The following TSHZ1 variants were observed in gnomAD, a reference collection of about 807,000 sequenced individuals.
The protein encoded by TSHZ1 is teashirt homolog 1.
A neutral mutation model predicts 67.1 loss-of-function variants in TSHZ1; 12 were observed. The observed-to-expected ratio is 0.18, with a 90% CI of 0.11 to 0.29. TSHZ1 has a LOEUF of 0.29. Among genes scored for constraint, TSHZ1 ranks in the 10% least tolerant of loss-of-function variants. TSHZ1 has a pLI of 1.00. For missense variants in TSHZ1, 1,305 were observed against 1,413.9 expected (o/e 0.92, Z 1.23); for synonymous variants, 632 against 622.4 (o/e 1.02, Z -0.23).
chr18:75,258,905 T>TA (rs1382493702), intron 1 of TSHZ1, among the ~76,000 whole-genome samples: 2 of 152,118 alleles, frequency 1.3e-5, no homozygotes, highest in African/African-American at 2.4e-5. Flanking sequence ...AACTTGCTAT[T>TA]AAAAAAATTA....
At chr18:75,233,479 A>C (rs556094307) in intron 1 of TSHZ1, among the ~76,000 whole-genome samples, 1 of 152,368 alleles carries the variant, frequency 6.6e-6, no homozygotes, top group East Asian at 1.9e-4. Flanking sequence ...AAATATAAGA[A>C]GATGGATGCC....
chr18:75,285,309 G>T (rs1185157680), intron 1 of TSHZ1, 139 bp from the exon 2 acceptor site: 4 of 1,030,160 alleles, frequency 3.9e-6, no homozygotes, highest in Non-Finnish European at 5.3e-6. Flanking sequence ...CAAAGGGGTA[G>T]ATATGTAAAC....
intron 1 of TSHZ1, among the ~76,000 whole-genome samples, chr18:75,255,310 G>A (rs986786380): frequency 6.6e-6 from 1 of 152,052 alleles, no homozygotes; most frequent in African/African-American, 2.4e-5. Flanking sequence ...CCATGGAGGT[G>A]GTATGCTGCT....
intron 1 of TSHZ1, among the ~76,000 whole-genome samples, chr18:75,239,056 C>T (rs1220036077): frequency 6.6e-6 from 1 of 152,204 alleles, no homozygotes; most frequent in Non-Finnish European, 1.5e-5. Flanking sequence ...GATGCGGCCA[C>T]GCAAGATGGG....
intron 1 of TSHZ1, among the ~76,000 whole-genome samples, chr18:75,215,544 C>T (rs2022755413): frequency 1.3e-5 from 2 of 152,192 alleles, no homozygotes; most frequent in African/African-American, 4.8e-5. Flanking sequence ...TTCAACACCC[C>T]AGTTGTAGCT....
chr18:75,228,021 C>T (rs909093486), intron 1 of TSHZ1, among the ~76,000 whole-genome samples: 1 of 152,134 alleles, frequency 6.6e-6, no homozygotes, highest in Non-Finnish European at 1.5e-5. Flanking sequence ...GTTATGGTGT[C>T]ATTTATCATG....
At chr18:75,240,466 A>C (rs1009005237) in intron 1 of TSHZ1, among the ~76,000 whole-genome samples, 2 of 152,114 alleles carry the variant, frequency 1.3e-5, no homozygotes, top group Non-Finnish European at 2.9e-5. Flanking sequence ...TGAGTACCCA[A>C]AGAGGGTTGG....
intron 1 of TSHZ1, among the ~76,000 whole-genome samples, chr18:75,276,685 C>T (rs780271256): frequency 1.4e-4 from 22 of 152,152 alleles, no homozygotes; most frequent in African/African-American, 4.6e-4. Flanking sequence ...ATATAATGGC[C>T]ATCTGTTCAT....
At position 75,287,881 on chromosome 18, in the gene TSHZ1, C is replaced by T. The variant is rs2023802347; in HGVS notation, c.2474C>T (p.Ala825Val). The change falls in exon 2 of 2, where the codon GCT (alanine) becomes GTT (valine). Residue 825 changes from alanine to valine, a missense_variant. Ala to Val is a moderately conservative substitution (Grantham distance 64, BLOSUM62 0). Coordinates refer to ENST00000580243, the MANE Select transcript of TSHZ1 (RefSeq NM_001308210.2). The surrounding 1 kb of genome is among the most constrained non-coding windows in gnomAD (Gnocchi z 5.0). ...SKNKPLVSSV[A>V]DSVASPLRES... ...AACAAGCCGCTGGTGTCCAGCGTGG[C>T]TGATTCGGTGGCATCACCTCTGCGG... 1 of 1,614,206 alleles carries T rather than the reference C, an allele frequency of 6.2e-7. No homozygotes were observed.
intron 1 of TSHZ1, among the ~76,000 whole-genome samples, chr18:75,271,723 TC>T (rs956208443): frequency 2.7e-5 from 4 of 147,560 alleles, no homozygotes; most frequent in Non-Finnish European, 4.5e-5. Flanking sequence ...TTCTTGCCGC[TC>T]CCCCCTCCCC....
At chr18:75,285,332 T>A (rs2023737652) in intron 1 of TSHZ1, 116 bp from the exon 2 acceptor site, 3 of 1,291,962 alleles carry the variant, frequency 2.3e-6, no homozygotes, top group Non-Finnish European at 3.0e-6. Flanking sequence ...GGGGTAGCCT[T>A]GTGTCCTGGG....
At chr18:75,282,646 G>A (rs1001079403) in intron 1 of TSHZ1, among the ~76,000 whole-genome samples, 3 of 152,168 alleles carry the variant, frequency 2.0e-5, no homozygotes. Context: ...TTCAGGGAGA[G>A]AGCTGCCATC....
chr18:75,260,408 CAAAG>C (rs1172163034), intron 1 of TSHZ1, among the ~76,000 whole-genome samples: 1 of 152,180 alleles, frequency 6.6e-6, no homozygotes. Flanking sequence ...TCTATGAAGA[CAAAG>C]ACAGTCTTCA....
At chr18:75,243,472 G>A (rs529472176) in intron 1 of TSHZ1, among the ~76,000 whole-genome samples, 1 of 152,010 alleles carries the variant, frequency 6.6e-6, no homozygotes, top group East Asian at 1.9e-4. Flanking sequence ...CAGATAACTT[G>A]TTATGGGGAG....
intron 1 of TSHZ1, among the ~76,000 whole-genome samples, chr18:75,271,489 C>A (rs1390865880): frequency 6.6e-6 from 1 of 152,180 alleles, no homozygotes; most frequent in Non-Finnish European, 1.5e-5. Context: ...GTGCCCCAGG[C>A]ACCCTGGGCC....
rs750082958 is a variant in TSHZ1, at chr18:75,286,675, G to C, written c.1268G>C (p.Ser423Thr). 6.2e-7 allele frequency: 1 copy of C among 1,614,048 alleles called. No individual in the cohort carries two copies. The highest frequency in any genetic ancestry group is 1.3e-5 in the African/African-American group (1 of 74,936). The change falls in exon 2 of 2, where the codon AGC becomes ACC. Residue 423 changes from serine to threonine, a missense_variant. Transcript: ENST00000580243. The surrounding 1 kb of genome is among the most constrained non-coding windows in gnomAD (Gnocchi z 5.1). Reference protein sequence around the residue: ...AQILKCMECGSSHDTLQQLTA... With the variant: ...AQILKCMECGTSHDTLQQLTA... ...ATCCTCAAGTGCATGGAGTGTGGCA[G>C]CTCCCACGACACGCTGCAGCAGCTC... is the stretch of plus-strand genomic sequence containing the variant.
At chr18:75,225,145 T>G (rs766592355) in intron 1 of TSHZ1, among the ~76,000 whole-genome samples, 107 of 152,292 alleles carry the variant, frequency 7.0e-4, no homozygotes, top group Middle Eastern at 3.4e-3. Context: ...GACATGTCAG[T>G]GCACGTGGGA....
intron 1 of TSHZ1, among the ~76,000 whole-genome samples, chr18:75,232,995 G>T (rs1282032534): frequency 6.6e-6 from 1 of 152,208 alleles, no homozygotes; most frequent in African/African-American, 2.4e-5. Flanking sequence ...GTCTGTATTG[G>T]TGCACAGCCC....
At chr18:75,244,934 T>G (rs2023204276) in intron 1 of TSHZ1, among the ~76,000 whole-genome samples, 1 of 152,132 alleles carries the variant, frequency 6.6e-6, no homozygotes, top group Non-Finnish European at 1.5e-5. Flanking sequence ...TTGTCTCTTC[T>G]CTCTCTCCTC....
Sources: gnomAD v4.1 joint callset for allele counts (sites outside exome capture counted in the v4.1 genomes callset) on GRCh38, gnomAD v4.1.1 for gene constraint, Gnocchi (gnomAD v3.1) non-coding constraint, MANE v1.5 for transcripts, NCBI Gene and HGNC (gene_info 2026-07-23, HGNC 2026-07-21) for gene names.